The following SCN9A variants were observed in gnomAD, a reference collection of about 807,000 sequenced individuals.
The protein encoded by SCN9A is sodium voltage-gated channel alpha subunit 9.
In SCN9A, 131 loss-of-function variants were observed where a neutral mutation model predicts 187.0. The ratio of observed to expected loss-of-function variants is 0.70; its 90% confidence interval spans 0.61 to 0.81. SCN9A has a LOEUF of 0.81. SCN9A is among the 30% of genes least tolerant of loss of function. The pLI is 0.00. For missense variants in SCN9A, 2,252 were observed against 2,396.6 expected (o/e 0.94, Z 1.26); for synonymous variants, 809 against 808.6 (o/e 1.00, Z -0.01).
At chr2:166,230,846 G>T (rs1574765868) in intron 21 of SCN9A, among the ~76,000 whole-genome samples, 1 of 152,074 alleles carries the variant, frequency 6.6e-6, no homozygotes. Flanking sequence ...AGTAATGATG[G>T]AATCATGGGT....
intron 14 of SCN9A, 81 bp from the exon 15 acceptor site, chr2:166,278,394 G>A: frequency 8.5e-7 from 1 of 1,177,966 alleles, no homozygotes; most frequent in South Asian, 1.5e-5. Context: ...TGTTTGCTTA[G>A]CATTTACTGT....
chr2:166,311,555 G>T lies in SCN9A; in HGVS notation c.202C>A (p.Pro68Thr). Residue 68 changes from proline to threonine, a missense_variant, in exon 2 of 27, where the codon CCC becomes ACC. Pro to Thr is a conservative substitution (Grantham distance 38). Coordinates refer to ENST00000642356, the MANE Select transcript of SCN9A (RefSeq NM_001365536.1). ...QLPFIYGDIPPGMVSEPLEDL... is the reference protein window; with the variant it reads ...QLPFIYGDIPTGMVSEPLEDL... ...TCCAGGGGCTCTGACACCATGCCGGGAGGAATGTCCCCATAGATGAAGGGC... is the reference window on the plus strand; with the variant it reads ...TCCAGGGGCTCTGACACCATGCCGGTAGGAATGTCCCCATAGATGAAGGGC... 1 of 1,612,888 alleles carries T rather than the reference G, an allele frequency of 6.2e-7. No individual in the cohort carries two copies. Among genetic ancestry groups the T allele is most frequent in the Non-Finnish European group, 8.5e-7 (1 of 1,179,558 alleles).
chr2:166,242,713 A>G (rs1695622846), intron 18 of SCN9A, 57 bp from the exon 19 acceptor site: 2 of 1,358,332 alleles, frequency 1.5e-6, no homozygotes, highest in Admixed American at 4.3e-5. Context: ...AAAATTTTTA[A>G]TACATTATTT....
At chr2:166,340,620 CCTTTCTCTT>C (rs1699762401) in intron 1 of SCN9A, among the ~76,000 whole-genome samples, 1 of 44,998 alleles carries the variant, frequency 2.2e-5, no homozygotes, top group Admixed American at 2.6e-4. Context: ...TTCTTTCTTT[CCTTTCTCTT>C]CTTTCTTTTT....
chr2:166,238,252 A>C lies in SCN9A; in HGVS notation c.3643T>G (p.Tyr1215Asp). The change falls in exon 20 of 27, where the codon TAT (tyrosine) becomes GAT (aspartate). Residue 1215 changes from tyrosine to aspartate, a missense_variant. Tyr to Asp is a radical substitution (Grantham distance 160). This residue lies in a region of SCN9A where 313 missense variants were observed against 295.3 expected (regional missense o/e 1.06). Transcript: ENST00000642356. ...SSGALAFEDI[Y>D]IERKKTIKII... is the part of the protein sequence containing the mutation. The stretch of plus-strand genomic sequence containing the variant: ...TTAATGGTCTTTTTCCTTTCAATAT[A>C]AATATCTTCAAAAGCCTGTGGAAAT... 1 of 1,568,684 alleles carries C rather than the reference A, an allele frequency of 6.4e-7. No individual in the cohort carries two copies. The highest frequency in any genetic ancestry group is 8.6e-7 in the Non-Finnish European group (1 of 1,157,006).
At chr2:166,284,419 C>T in intron 12 of SCN9A, 34 bp downstream of exon 12, 1 of 1,566,246 alleles carries the variant, frequency 6.4e-7, no homozygotes, top group Non-Finnish European at 8.6e-7. Flanking sequence ...GAACAAGGGC[C>T]CAGCCATGCC....
chr2:166,212,394 T>A (rs1694136759), intron 24 of SCN9A, among the ~76,000 whole-genome samples: 1 of 152,256 alleles, frequency 6.6e-6, no homozygotes, highest in Admixed American at 6.5e-5. Context: ...AGAGACAAAG[T>A]AGGTCATAAA....
At chr2:166,235,512 T>C (rs1418289071) in intron 20 of SCN9A, among the ~76,000 whole-genome samples, 1 of 152,176 alleles carries the variant, frequency 6.6e-6, no homozygotes, top group Non-Finnish European at 1.5e-5. Flanking sequence ...TAGGGCTTGT[T>C]ACAATGATTT....
At chr2:166,278,580 T>G (rs867505567) in intron 14 of SCN9A, among the ~76,000 whole-genome samples, 5 of 152,318 alleles carry the variant, frequency 3.3e-5, no homozygotes, top group Middle Eastern at 3.4e-3. Context: ...ATATTAAAAT[T>G]TCAGAAGAGT....
In SCN9A at chr2:166,251,834, G is replaced by T; in HGVS notation, c.3403C>A (p.Pro1135Thr). The T allele has an allele frequency of 6.2e-7, 1 of 1,612,588 alleles. No individual in the cohort carries two copies. Among genetic ancestry groups the T allele is most frequent in the Non-Finnish European group, 8.5e-7 (1 of 1,179,092 alleles). ...SECSTVDNPL[P>T]GEGEEAEAEP... Reference sequence around the variant, plus strand: ...GCCTCTGCTTCTTCTCCTTCTCCAGGCAAAGGGTTATCAACTGTGCTGCAC... The same window carrying T: ...GCCTCTGCTTCTTCTCCTTCTCCAGTCAAAGGGTTATCAACTGTGCTGCAC... The change falls in exon 18 of 27, where the codon CCT becomes ACT. Residue 1135 changes from proline (P) to threonine (T), a missense_variant. Physicochemically the swap from Pro to Thr is conservative, Grantham distance 38. Transcript: ENST00000642356.
intron 17 of SCN9A, among the ~76,000 whole-genome samples, chr2:166,255,729 T>A (rs1338480268): frequency 2.0e-5 from 3 of 151,492 alleles, no homozygotes; most frequent in Non-Finnish European, 3.0e-5. Context: ...GAGCCTAGAA[T>A]GGTTATTTCA....
At chr2:166,347,107 A>G (rs755471441) in intron 1 of SCN9A, among the ~76,000 whole-genome samples, 2 of 152,192 alleles carry the variant, frequency 1.3e-5, no homozygotes, top group Non-Finnish European at 2.9e-5. Context: ...ATGCTGAACT[A>G]ATAAGAATGG....
At chr2:166,205,996 C>G (rs1693785013) in intron 24 of SCN9A, among the ~76,000 whole-genome samples, 1 of 152,112 alleles carries the variant, frequency 6.6e-6, no homozygotes, top group African/African-American at 2.4e-5. Context: ...ATGGCAATCA[C>G]TAAAAAGTCA....
In SCN9A at chr2:166,199,814, A is replaced by AC; in HGVS notation, c.4824dup (p.Phe1609ValfsTer38). On this transcript the variant is annotated frameshift_variant, in exon 27 of 27. Coordinates refer to ENST00000642356, the MANE Select transcript of SCN9A (RefSeq NM_001365536.1). LOFTEE classifies it high-confidence loss of function. ...ATCCTGGCAAGACGGATCACTCGGA[A>AC]CAGGGTAGGGGACACAAAATACGTT... The AC allele has an allele frequency of 6.2e-7, 1 of 1,613,986 alleles. No individual in the cohort carries two copies.
At chr2:166,262,832 T>C (rs911338386) in intron 17 of SCN9A, among the ~76,000 whole-genome samples, 1 of 152,000 alleles carries the variant, frequency 6.6e-6, no homozygotes, top group Non-Finnish European at 1.5e-5. Flanking sequence ...TTTATCCGTG[T>C]GTGTGTGCGT....
intron 7 of SCN9A, among the ~76,000 whole-genome samples, chr2:166,297,130 G>C (rs1223348266): frequency 1.4e-5 from 2 of 141,348 alleles, no homozygotes; most frequent in Non-Finnish European, 3.0e-5. Flanking sequence ...CCGGGAGGCG[G>C]AGCTTACAGT....
intron 1 of SCN9A, among the ~76,000 whole-genome samples, chr2:166,353,649 C>T (rs1700091161): frequency 6.6e-6 from 1 of 152,166 alleles, no homozygotes; most frequent in Admixed American, 6.6e-5. Flanking sequence ...TGGCTCAATA[C>T]CTCTTGTATG....
At chr2:166,274,840 A>G (rs1175965023) in intron 16 of SCN9A, among the ~76,000 whole-genome samples, 1 of 152,178 alleles carries the variant, frequency 6.6e-6, no homozygotes, top group East Asian at 1.9e-4. Flanking sequence ...TATATTATCC[A>G]TTGTTCAAAG....
At chr2:166,274,881 A>G (rs1413363944) in intron 16 of SCN9A, among the ~76,000 whole-genome samples, 1 of 152,156 alleles carries the variant, frequency 6.6e-6, no homozygotes, top group Non-Finnish European at 1.5e-5. Flanking sequence ...TTAAGTCTCA[A>G]TCTAGAACTC....
Sources: allele counts gnomAD v4.1 joint callset (sites outside exome capture counted in the v4.1 genomes callset), GRCh38; gene constraint gnomAD v4.1.1; regional missense constraint gnomAD v4.1.1; transcripts MANE v1.5; gene names NCBI Gene and HGNC (gene_info 2026-07-23, HGNC 2026-07-21).